Variants in C2orf76 observed in about 807,000 individuals in gnomAD.
C2orf76 encodes the protein UPF0538 protein C2orf76.
In C2orf76, 23 loss-of-function variants were observed where a neutral mutation model predicts 16.9. The observed-to-expected ratio is 1.36, with a 90% CI of 0.98 to 1.93. The LOEUF (loss-of-function observed/expected upper bound fraction) is 1.93. Among genes scored for constraint, C2orf76 ranks in the 30% most tolerant of loss-of-function variants. The pLI, the probability that C2orf76 is intolerant of heterozygous loss-of-function variation, is 0.00. For missense variants in C2orf76, 152 were observed against 152.6 expected, an observed-to-expected ratio of 1.00 and a Z score of 0.02; for synonymous variants, 48 against 52.3, an observed-to-expected ratio of 0.92 and a Z score of 0.35.
intron 2 of C2orf76, chr2:119,339,062 C>T (rs1454264124): frequency 2.6e-5 from 4 of 152,308 alleles, no homozygotes; most frequent in African/African-American, 9.6e-5. Flanking sequence ...TCCAGGAATT[C>T]TTTGTCTTGT....
At chr2:119,303,030 A>G (rs376838815) in intron 5 of C2orf76, among the ~76,000 whole-genome samples, 2 of 152,170 alleles carry the variant, frequency 1.3e-5, no homozygotes, top group East Asian at 1.9e-4. Context: ...ATCACTTTAC[A>G]TTCTCCCTCA....
chr2:119,301,513 T>C (rs547261085), downstream of C2orf76, among the ~76,000 whole-genome samples: 2 of 151,920 alleles, frequency 1.3e-5, no homozygotes, highest in Admixed American at 1.3e-4. Context: ...CAGGGAGCAA[T>C]GGCAGAGCTG....
chr2:119,343,801 AC>A, intron 1 of C2orf76, among the ~76,000 whole-genome samples: 1 of 152,322 alleles, frequency 6.6e-6, no homozygotes, highest in South Asian at 2.1e-4. Flanking sequence ...AAACAAAAAA[AC>A]AAGTCGTTCC....
intron 5 of C2orf76, chr2:119,311,104 C>T (rs1678970782): frequency 2.1e-6 from 2 of 940,702 alleles, no homozygotes; most frequent in Non-Finnish European, 2.5e-6. Context: ...AGAATAAAAC[C>T]ACATGCACAT....
At chr2:119,297,754 C>T (rs1364061619), downstream of C2orf76, among the ~76,000 whole-genome samples, 1 of 151,868 alleles carries the variant, frequency 6.6e-6, no homozygotes, top group African/African-American at 2.4e-5. Context: ...GCCTCGGCCT[C>T]CCAAAGTGCT....
the C2orf76 span, among the ~76,000 whole-genome samples, chr2:119,289,618 G>A: frequency 3.1e-3 from 478 of 151,840 alleles, 8 homozygotes; most frequent in South Asian, 0.011. Context: ...CCCAGGAGGC[G>A]GAGGTTGCAG....
chr2:119,329,140 G>T (rs1193613002), intron 2 of C2orf76, among the ~76,000 whole-genome samples: 1 of 152,118 alleles, frequency 6.6e-6, no homozygotes, highest in Non-Finnish European at 1.5e-5. Flanking sequence ...GATCCTTACT[G>T]ATTTTCTATT....
intron 5 of C2orf76, chr2:119,311,045 A>G: frequency 1.8e-6 from 1 of 560,466 alleles, no homozygotes; most frequent in Non-Finnish European, 2.3e-6. Context: ...TATACGTAGA[A>G]TAACAGTGAC....
chr2:119,356,396 CAAAAAAAA>C (rs34898813), intron 1 of C2orf76, among the ~76,000 whole-genome samples: 2 of 95,644 alleles, frequency 2.1e-5, no homozygotes, highest in African/African-American at 8.5e-5. Flanking sequence ...GACTCTGTCT[CAAAAAAAA>C]AAAAAAAAGG....
At chr2:119,340,147 G>T in intron 1 of C2orf76, 176 bp from the exon 2 acceptor site, 1 of 582,454 alleles carries the variant, frequency 1.7e-6, no homozygotes, top group Non-Finnish European at 3.0e-6. Flanking sequence ...GGGTCCCAGT[G>T]ATTATACCCA....
At chr2:119,286,391 T>C in the C2orf76 span, among the ~76,000 whole-genome samples, 1 of 152,034 alleles carries the variant, frequency 6.6e-6, no homozygotes, top group Non-Finnish European at 1.5e-5. Context: ...GGTCCTTGGT[T>C]GTGCCTCCCA....
intron 2 of C2orf76, among the ~76,000 whole-genome samples, chr2:119,321,661 A>C (rs772046301): frequency 1.3e-5 from 2 of 152,170 alleles, no homozygotes; most frequent in African/African-American, 2.4e-5. Context: ...TGGGAGCTAC[A>C]ATGCAAGATG....
In C2orf76 at chr2:119,321,201, A is replaced by T; in HGVS notation, c.137T>A (p.Ile46Asn). The T allele has an allele frequency of 7.1e-7, 1 of 1,413,368 alleles. No homozygotes were observed. Among genetic ancestry groups the T allele is most frequent in the African/African-American group, 1.5e-5 (1 of 65,774 alleles). 87.6% of individuals were successfully genotyped at this position (1,413,368 alleles called of 1,614,324 possible). Residue 46 changes from isoleucine (I) to asparagine (N), a missense_variant, in exon 3 of 6, where the codon ATC (isoleucine) becomes AAC (asparagine). Transcript: ENST00000334816. ...KEFIVFLKQD[I>N]PLRTNLPPPF... ...TGGTGGCAGGTTGGTCCTTAAAGGGATATCTACAAGAGAAAGATTATTTTT... is the reference window on the plus strand; with the variant it reads ...TGGTGGCAGGTTGGTCCTTAAAGGGTTATCTACAAGAGAAAGATTATTTTT...
chr2:119,309,977 T>C (rs1296706792), intron 5 of C2orf76, among the ~76,000 whole-genome samples: 1 of 152,254 alleles, frequency 6.6e-6, no homozygotes, highest in African/African-American at 2.4e-5. Context: ...ATTTATTTTG[T>C]AATAAAAACA....
the C2orf76 span, among the ~76,000 whole-genome samples, chr2:119,292,449 A>T: frequency 2.0e-5 from 3 of 152,178 alleles, no homozygotes; most frequent in Admixed American, 1.3e-4. Context: ...GCAGAAAAGA[A>T]CTGTCAGCCG....
chr2:119,359,474 TA>T (rs1408030549), intron 1 of C2orf76, among the ~76,000 whole-genome samples: 1 of 152,172 alleles, frequency 6.6e-6, no homozygotes, highest in East Asian at 1.9e-4. Flanking sequence ...ATGGGCAAAA[TA>T]ATACGAAAAC....
chr2:119,367,072 G>A (rs1458201014), upstream of C2orf76: 5 of 1,613,844 alleles, frequency 3.1e-6, no homozygotes, highest in Non-Finnish European at 4.2e-6. Context: ...TACAGCGCGT[G>A]CACAGCCAGG....
intron 2 of C2orf76, among the ~76,000 whole-genome samples, chr2:119,322,119 T>C (rs2104567967): frequency 6.6e-6 from 1 of 151,604 alleles, no homozygotes; most frequent in East Asian, 1.9e-4. Flanking sequence ...TGTATATATG[T>C]GTATATATAT....
At chr2:119,354,919 G>A (rs1680522787) in intron 1 of C2orf76, among the ~76,000 whole-genome samples, 1 of 152,132 alleles carries the variant, frequency 6.6e-6, no homozygotes, top group Admixed American at 6.5e-5. Context: ...CCTTCCCTGA[G>A]GAAGAACCAT....
Sources: allele counts gnomAD v4.1 joint callset (sites outside exome capture counted in the v4.1 genomes callset), GRCh38; gene constraint gnomAD v4.1.1; transcripts MANE v1.5; gene names NCBI Gene and HGNC (gene_info 2026-07-23, HGNC 2026-07-21).